Variants in FAM120AOS observed in about 807,000 individuals in gnomAD.
FAM120AOS encodes the protein uncharacterized protein FAM120AOS.
Under a neutral mutation model 20.2 loss-of-function variants are expected in FAM120AOS, and 15 were observed. That is an observed-to-expected ratio of 0.74 (90% CI 0.50 to 1.15). The LOEUF is 1.15. Among genes scored for constraint, FAM120AOS ranks in the 50% most tolerant of loss-of-function variants. The pLI is 0.00. For missense variants in FAM120AOS, 327 were observed against 351.9 expected, an observed-to-expected ratio of 0.93 and a Z score of 0.57; for synonymous variants, 154 against 154.0, an observed-to-expected ratio of 1.00 and a Z score of 0.00.
rs1028388064 is a variant in FAM120AOS at position 93,443,630 on chromosome 9, C to T, written c.*3981G>A. The stretch of plus-strand genomic sequence containing the variant: ...CGTTAGCCTTAGTCTGCAGGTCCTG[C>T]GTTGCCTTCTGTTTGGTGGTGGTGG... On this transcript the variant is annotated 3_prime_UTR_variant, in exon 3 of 3. Coordinates refer to ENST00000375412, the MANE Select transcript of FAM120AOS (RefSeq NM_198841.4). Among the ~76,000 whole-genome samples, 4 of 152,162 alleles carry T rather than the reference C, an allele frequency of 2.6e-5. No individual in the cohort carries two copies. In the South Asian group the frequency reaches 8.3e-4, roughly 32 times the overall value.
rs1588738990 is a variant in FAM120AOS at position 93,447,542 on chromosome 9, C to T, written c.*69G>A. On this transcript the variant is annotated 3_prime_UTR_variant, in exon 3 of 3. Transcript: ENST00000375412. The stretch of plus-strand genomic sequence containing the variant: ...GAGGAATGGTGAATAGAGCATTTTC[C>T]CTCACACGATGGGTATCAGGGTGGT... 1 of 1,342,994 alleles carries T rather than the reference C, an allele frequency of 7.4e-7. No homozygotes were observed. The highest frequency in any genetic ancestry group is 1.1e-6 in the Non-Finnish European group (1 of 942,540). The allele number at this position is 1,342,994 out of a possible 1,614,324, so 83.2% of individuals were successfully genotyped here.
rs140548707 is a variant in FAM120AOS, at chr9:93,443,341, ATTTAC to A, written c.*4265_*4269del. Among the ~76,000 whole-genome samples the A allele has an allele frequency of 0.023, 3,529 of 152,280 alleles. 68 individuals are homozygous for A. Among genetic ancestry groups the A allele is most frequent in the Middle Eastern group, 0.031 (9 of 294 alleles). On this transcript the variant is annotated 3_prime_UTR_variant, in exon 3 of 3. Coordinates refer to ENST00000375412, the MANE Select transcript of FAM120AOS (RefSeq NM_198841.4). ...GTTTTAAATTACAGTGTACAAAAAT[ATTTAC>A]TTTATTGTTTCCTTATACATTTCTA...
chr9:93,450,319 G>A (rs1403763267), intron 2 of FAM120AOS, among the ~76,000 whole-genome samples, 160 bp downstream of exon 2: 3 of 152,176 alleles, frequency 2.0e-5, no homozygotes, highest in Admixed American at 1.3e-4. Flanking sequence ...TGTCATCCTG[G>A]CTTTGTGACT....
At chr9:93,449,844 G>A (rs1350594749) in intron 2 of FAM120AOS, among the ~76,000 whole-genome samples, 1 of 151,944 alleles carries the variant, frequency 6.6e-6, no homozygotes, top group African/African-American at 2.4e-5. Flanking sequence ...GTAAATACAC[G>A]GAATGCAATG....
At chr9:93,450,397 G>C in intron 2 of FAM120AOS, 82 bp downstream of exon 2, 2 of 1,489,464 alleles carry the variant, frequency 1.3e-6, no homozygotes, top group Non-Finnish European at 1.8e-6. Context: ...TAAAATACCA[G>C]CAGCATTTAA....
intron 1 of FAM120AOS, chr9:93,450,811 C>T (rs905482222): frequency 4.3e-6 from 4 of 935,630 alleles, no homozygotes; most frequent in Non-Finnish European, 6.8e-6. Context: ...CGACCTCCTT[C>T]CAGAAGATGC....
chr9:93,449,188 A>G (rs965090613), intron 2 of FAM120AOS, among the ~76,000 whole-genome samples: 2 of 152,100 alleles, frequency 1.3e-5, no homozygotes, highest in African/African-American at 2.4e-5. Flanking sequence ...GTTCTCGAGT[A>G]TAAGTCTAGA....
chr9:93,451,122 C>G (rs1276254244), intron 1 of FAM120AOS: 1 of 1,550,626 alleles, frequency 6.4e-7, no homozygotes, highest in South Asian at 1.2e-5. Flanking sequence ...CTCCTTCCTG[C>G]TCTTTCCAAG....
chr9:93,452,640 G>A lies in FAM120AOS; in HGVS notation c.70C>T (p.Gln24Ter). ...ASEFWSGALS[Q>*]PSSVPTRPRT... The stretch of plus-strand genomic sequence containing the variant: ...GGCCGCGTGGGGACACTTGAGGGCT[G>A]GGAGAGAGCCCCGGACCAGAATTCG... The change falls in exon 1 of 3, where the codon CAG becomes TAG. Residue 24 changes from glutamine to a stop codon, truncating the protein, a stop_gained. Transcript: ENST00000375412. LOFTEE classifies it high-confidence loss of function. The surrounding 1 kb of genome is among the most constrained non-coding windows in gnomAD (Gnocchi z 7.0). The A allele has an allele frequency of 6.3e-7, 1 of 1,599,212 alleles. No homozygotes were observed. The highest frequency in any genetic ancestry group is 8.5e-7 in the Non-Finnish European group (1 of 1,179,908).
chr9:93,451,637 T>A (rs1281844801), intron 1 of FAM120AOS: 1 of 980,722 alleles, frequency 1.0e-6, no homozygotes, highest in African/African-American at 1.8e-5. Flanking sequence ...GTCCGCTACG[T>A]CAGCGCCGCC....
chr9:93,451,856 C>A, intron 1 of FAM120AOS: 1 of 998,992 alleles, frequency 1.0e-6, no homozygotes, highest in Non-Finnish European at 1.2e-6. Context: ...CGCCACGGCC[C>A]CACCACCCCC....
rs756246014 is a variant in FAM120AOS, at chr9:93,452,028, G to A, written c.563+119C>T. ...AGCCTGGTGGGCGGCGGGCGGCAGC[G>A]GCCCCCGCAGACCCCGCTGCGCCTG... On this transcript the variant is annotated intron_variant, in intron 1 of 2. Transcript: ENST00000375412. This position sits in a 1 kb window ranked among gnomAD's most constrained non-coding sequence, Gnocchi z 7.0. 8 of 1,562,960 alleles carry A rather than the reference G, an allele frequency of 5.1e-6. No homozygotes were observed. In the African/African-American group the frequency reaches 8.1e-5, roughly 16 times the overall value.
At chr9:93,451,670 A>AGCCTCG (rs1171545170) in intron 1 of FAM120AOS, 309 of 960,886 alleles carry the variant, frequency 3.2e-4, no homozygotes, top group East Asian at 1.6e-3. Context: ...CCCGGCCCTC[A>AGCCTCG]GCCTCGGCCT....
At chr9:93,451,776 C>T in intron 1 of FAM120AOS, 1 of 981,320 alleles carries the variant, frequency 1.0e-6, no homozygotes, top group African/African-American at 1.8e-5. Context: ...CCGCGGCGGC[C>T]ATGAGCGCGC....
In FAM120AOS at chr9:93,444,035, G is replaced by GTTTGTT. The variant is rs201438819; in HGVS notation, c.*3570_*3575dup. On this transcript the variant is annotated 3_prime_UTR_variant, in exon 3 of 3. Transcript: ENST00000375412. The stretch of plus-strand genomic sequence containing the variant: ...GGTTTTCTCTCAGGGGAATTTTTTT[G>GTTTGTT]TTTGTTTTTGTTTTTGTTTTTTGAG... Among the ~76,000 whole-genome samples, 1 of 151,990 alleles carries GTTTGTT rather than the reference G, an allele frequency of 6.6e-6. No individual in the cohort carries two copies. The highest frequency in any genetic ancestry group is 6.6e-5 in the Admixed American group (1 of 15,266).
At chr9:93,449,315 T>C (rs1482358648) in intron 2 of FAM120AOS, among the ~76,000 whole-genome samples, 1 of 152,174 alleles carries the variant, frequency 6.6e-6, no homozygotes, top group African/African-American at 2.4e-5. Flanking sequence ...TTAAGTACTA[T>C]TAATATGTTG....
intron 1 of FAM120AOS, chr9:93,451,676 G>C (rs1197358049): frequency 5.2e-6 from 5 of 970,568 alleles, no homozygotes; most frequent in East Asian, 1.2e-4. Context: ...CCTCAGCCTC[G>C]GCCTCGGCCT....
At position 93,450,470 on chromosome 9, in the gene FAM120AOS, C is replaced by T; in HGVS notation, c.684+9G>A. The T allele has an allele frequency of 6.4e-7, 1 of 1,556,572 alleles. No homozygotes were observed. Among genetic ancestry groups the T allele is most frequent in the South Asian group, 1.2e-5 (1 of 82,726 alleles). On this transcript the variant is annotated intron_variant, in intron 2 of 2. Transcript: ENST00000375412. ...GTATCAGAAAAGAAAGCAGAAAAAT[C>T]CAACTTGCCTTTTTCACCGGGAGTA...
Position 93,450,499 on chromosome 9 carries a change from G to A in FAM120AOS, c.664C>T (p.Pro222Ser), listed in dbSNP as rs1857087672. The change falls in exon 2 of 3, where the codon CCC (proline) becomes TCC (serine). Residue 222 changes from proline (P) to serine (S), a missense_variant. Transcript: ENST00000375412. ...LHAHGLAKEA[P>S]ILPVKKISRS... ...CTTGCCTTTTTCACCGGGAGTATGG[G>A]GGCTTCTTTGGCCAAACCGTGCGCG... 1.3e-6 allele frequency: 2 copies of A among 1,585,578 alleles called. No individual in the cohort carries two copies. The highest frequency in any genetic ancestry group is 1.7e-4 in the Middle Eastern group (1 of 5,924).
Sources: gnomAD v4.1 joint callset for allele counts (sites outside exome capture counted in the v4.1 genomes callset) on GRCh38, gnomAD v4.1.1 for gene constraint, Gnocchi (gnomAD v3.1) non-coding constraint, MANE v1.5 for transcripts, NCBI Gene and HGNC (gene_info 2026-07-23, HGNC 2026-07-21) for gene names.